Variants in ABCD2 observed in about 807,000 individuals in gnomAD.
ABCD2 encodes ATP-binding cassette sub-family D member 2.
ABCD2 carries 36 observed loss-of-function variants against 70.9 expected under a neutral mutation model. The ratio of observed to expected loss-of-function variants is 0.51; its 90% CI spans 0.39 to 0.67. The LOEUF (loss-of-function observed/expected upper bound fraction) is 0.67, where lower values mean the gene tolerates loss of function less well. Among genes scored for constraint, ABCD2 ranks in the 30% least tolerant of loss-of-function variants. The pLI, the probability that ABCD2 is intolerant of heterozygous loss-of-function variation, is 0.00. For missense variants in ABCD2, 729 were observed against 890.2 expected, an observed-to-expected ratio of 0.82 and a Z score of 2.30; for synonymous variants, 304 against 306.9, an observed-to-expected ratio of 0.99 and a Z score of 0.10.
Position 39,616,978 on chromosome 12 carries a change from A to T in ABCD2, c.1120+10T>A, listed in dbSNP as rs1256066669. The stretch of plus-strand genomic sequence containing the variant: ...AAAATATATTTGAGATTAAGCATAA[A>T]TGTCATTACCACCATCTGCAAAGCC... On this transcript the variant is annotated intron_variant, in intron 2 of 9. Coordinates refer to ENST00000308666, the MANE Select transcript of ABCD2 (RefSeq NM_005164.4). 1.3e-6 allele frequency: 2 copies of T among 1,571,514 alleles called. No homozygotes were observed.
downstream of ABCD2, among the ~76,000 whole-genome samples, chr12:39,547,608 G>T (rs535058306): frequency 6.6e-6 from 1 of 152,170 alleles, no homozygotes; most frequent in Admixed American, 6.6e-5. Context: ...TGTATCCAAA[G>T]TTGTCAAATT....
Position 39,579,402 on chromosome 12 carries a change from A to G in ABCD2, c.1877+133T>C, listed in dbSNP as rs75968398. ...AAAAAACCAACTGTGAACTCTATGCACTAATTTTGTAGTAAGATATTTTTA... is the reference window on the plus strand; with the variant it reads ...AAAAAACCAACTGTGAACTCTATGCGCTAATTTTGTAGTAAGATATTTTTA... On this transcript the variant is annotated intron_variant, in intron 8 of 9. Transcript: ENST00000308666. 2.1e-3 allele frequency: 1,337 copies of G among 643,348 alleles called. 11 individuals are homozygous for G. In the African/African-American group the frequency reaches 0.022, roughly 11 times the overall value. 39.9% of individuals were successfully genotyped at this position (643,348 alleles called of 1,614,324 possible).
chr12:39,559,502 A>C (rs1397419108), intron 9 of ABCD2, among the ~76,000 whole-genome samples: 1 of 152,102 alleles, frequency 6.6e-6, no homozygotes, highest in East Asian at 1.9e-4. Context: ...CAAAATCTGG[A>C]GACATATAAC....
At chr12:39,594,829 C>T (rs1941793561) in intron 6 of ABCD2, among the ~76,000 whole-genome samples, 1 of 152,092 alleles carries the variant, frequency 6.6e-6, no homozygotes, top group Non-Finnish European at 1.5e-5. Flanking sequence ...CAAAAATTCT[C>T]TGGGTTTCGT....
At chr12:39,589,739 C>T (rs567287860) in intron 6 of ABCD2, among the ~76,000 whole-genome samples, 1 of 152,100 alleles carries the variant, frequency 6.6e-6, no homozygotes, top group Admixed American at 6.5e-5. Context: ...AAATTGCTCA[C>T]TTTGAAAACT....
chr12:39,555,106 C>A (rs888639950), intron 9 of ABCD2, among the ~76,000 whole-genome samples: 3 of 152,084 alleles, frequency 2.0e-5, no homozygotes, highest in African/African-American at 7.2e-5. Flanking sequence ...TCTTAGCATA[C>A]TCACAAGCTC....
intron 9 of ABCD2, among the ~76,000 whole-genome samples, chr12:39,569,409 A>G (rs535356905): frequency 7.2e-5 from 11 of 152,334 alleles, no homozygotes; most frequent in African/African-American, 2.2e-4. Flanking sequence ...CTCCGTGGGC[A>G]TAGTACCCTC....
chr12:39,600,476 A>T, intron 6 of ABCD2, 95 bp downstream of exon 6: 1 of 1,181,928 alleles, frequency 8.5e-7, no homozygotes, highest in Non-Finnish European at 1.2e-6. Flanking sequence ...TAATAAAAAC[A>T]TTCTTAAAGA....
At chr12:39,586,814 C>T (rs940490072) in intron 6 of ABCD2, among the ~76,000 whole-genome samples, 6 of 152,230 alleles carry the variant, frequency 3.9e-5, no homozygotes, top group East Asian at 1.9e-4. Context: ...ATTTGGGTTT[C>T]GACCCAGCAA....
At chr12:39,582,448 C>T (rs978940992) in intron 7 of ABCD2, among the ~76,000 whole-genome samples, 7 of 152,184 alleles carry the variant, frequency 4.6e-5, no homozygotes, top group South Asian at 2.1e-4. Flanking sequence ...ATAACAATTA[C>T]GATTACATTT....
At chr12:39,566,165 G>C (rs905324180) in intron 9 of ABCD2, among the ~76,000 whole-genome samples, 9 of 151,962 alleles carry the variant, frequency 5.9e-5, no homozygotes, top group African/African-American at 1.7e-4. Flanking sequence ...GGGAGGATTC[G>C]CTCTTTTTCT....
intron 2 of ABCD2, among the ~76,000 whole-genome samples, chr12:39,616,187 T>C (rs564836570): frequency 6.6e-6 from 1 of 152,176 alleles, no homozygotes; most frequent in East Asian, 1.9e-4. Flanking sequence ...AGGAGGGATG[T>C]CTTATTTTAG....
chr12:39,555,901 C>T (rs1033478703), intron 9 of ABCD2, among the ~76,000 whole-genome samples: 33 of 152,140 alleles, frequency 2.2e-4, no homozygotes, highest in Admixed American at 2.0e-3. Flanking sequence ...CAGCACTGTG[C>T]CAGCCTTGGT....
In ABCD2 at chr12:39,580,813, T is replaced by C. The variant is rs1941586705; in HGVS notation, c.1793-1194A>G. Among the ~76,000 whole-genome samples, 3 of 152,172 alleles carry C rather than the reference T, an allele frequency of 2.0e-5. 1 individual carries two copies. The highest frequency in any genetic ancestry group is 2.0e-4 in the Admixed American group (3 of 15,268). Reference sequence around the variant, plus strand: ...TCTTTTTACTTGCTCAGCTGAATTTTTACCATTAAAATTTTGAAATTTTTA... The same window carrying C: ...TCTTTTTACTTGCTCAGCTGAATTTCTACCATTAAAATTTTGAAATTTTTA... On this transcript the variant is annotated intron_variant, in intron 7 of 9. Coordinates refer to ENST00000308666, the MANE Select transcript of ABCD2 (RefSeq NM_005164.4).
chr12:39,608,490 C>T (rs1942001562), intron 2 of ABCD2, among the ~76,000 whole-genome samples: 1 of 151,964 alleles, frequency 6.6e-6, no homozygotes, highest in African/African-American at 2.4e-5. Context: ...AGTTTGAGAC[C>T]AGCCTGGCCA....
chr12:39,551,946 T>C lies in ABCD2; in HGVS notation c.*1966A>G, dbSNP rs886332160. ...CCTTTAAAAGTTAACTTAAAACACT[T>C]GCCTCAGACTTTTGCCCTTGTAGCA... On this transcript the variant is annotated 3_prime_UTR_variant, in exon 10 of 10. Transcript: ENST00000308666. 1.3e-5 allele frequency: 2 copies of C among 151,826 alleles called. No homozygotes were observed. Among genetic ancestry groups the C allele is most frequent in the African/African-American group, 4.8e-5 (2 of 41,422 alleles). The allele number at this position is 151,826 out of a possible 1,614,324, so 9.4% of individuals were successfully genotyped here.
At chr12:39,605,067 TGAAAACTAAAACA>T in intron 3 of ABCD2, 137 bp from the exon 4 acceptor site, 2 of 562,464 alleles carry the variant, frequency 3.6e-6, no homozygotes, top group Non-Finnish European at 5.5e-6. Flanking sequence ...ATAATACATC[TGAAAACTAAAACA>T]CATGACAGTA....
At chr12:39,604,718 A>C in intron 4 of ABCD2, 44 bp downstream of exon 4, 6 of 1,446,328 alleles carry the variant, frequency 4.1e-6, no homozygotes, top group Non-Finnish European at 5.5e-6. Flanking sequence ...TCTGTTGATA[A>C]ATACTTAAAT....
At chr12:39,535,798 C>A in the ABCD2 span, among the ~76,000 whole-genome samples, 1 of 152,064 alleles carries the variant, frequency 6.6e-6, no homozygotes, top group African/African-American at 2.4e-5. Context: ...TGAAAAGTAG[C>A]CTTAAGTAAA....
Sources: allele counts gnomAD v4.1 joint callset (sites outside exome capture counted in the v4.1 genomes callset), GRCh38; gene constraint gnomAD v4.1.1; transcripts MANE v1.5; gene names NCBI Gene and HGNC (gene_info 2026-07-23, HGNC 2026-07-21).